SMR3A: variants seen among roughly 807,000 people sequenced by gnomAD.
SMR3A encodes the protein submaxillary gland androgen-regulated protein 3A.
For missense variants in SMR3A, 188 were observed against 163.0 expected, an observed-to-expected ratio of 1.15 and a Z score of -0.84; for synonymous variants, 48 against 57.4, an observed-to-expected ratio of 0.84 and a Z score of 0.74.
chr4:70,365,584 G>C (rs866774077), intron 2 of SMR3A, among the ~76,000 whole-genome samples: 2 of 151,998 alleles, frequency 1.3e-5, no homozygotes, highest in Non-Finnish European at 2.9e-5. Flanking sequence ...CAGAAGGAGA[G>C]CTCAAACACT....
In SMR3A at chr4:70,362,911, C is replaced by A. The variant is rs536581787; in HGVS notation, c.54+742C>A. On this transcript the variant is annotated intron_variant, in intron 2 of 2. Transcript: ENST00000226460. ...AAGACTATGACTTCCACAAAGCAGG[C>A]AACATAAAATTATATCATTCTGAAA... 2.0e-4 allele frequency among the ~76,000 whole-genome samples: 31 copies of A among 151,762 alleles called. 1 individual carries two copies. Among genetic ancestry groups the A allele is most frequent in the Admixed American group, 9.9e-4 (15 of 15,210 alleles).
intron 2 of SMR3A, among the ~76,000 whole-genome samples, chr4:70,363,682 G>A (rs543263633): frequency 6.6e-5 from 10 of 152,028 alleles, no homozygotes; most frequent in Non-Finnish European, 1.2e-4. Flanking sequence ...TTATCACTGC[G>A]ATTGGGTTAA....
At chr4:70,366,461 T>G (rs927402595) in intron 2 of SMR3A, among the ~76,000 whole-genome samples, 183 bp from the exon 3 acceptor site, 1 of 152,048 alleles carries the variant, frequency 6.6e-6, no homozygotes, top group Admixed American at 6.6e-5. Context: ...TCTCTCTGAT[T>G]CCTTCTCACA....
intron 1 of SMR3A, 103 bp from the exon 2 acceptor site, chr4:70,361,999 A>C: frequency 1.3e-6 from 2 of 1,521,252 alleles, no homozygotes; most frequent in East Asian, 2.4e-5. Flanking sequence ...AAAAGGCTAC[A>C]GTAGTATATC....
rs1732161160 is a variant in SMR3A at position 70,362,110 on chromosome 4, G to A, written c.-6G>A. On this transcript the variant is annotated 5_prime_UTR_variant, in exon 2 of 3. Transcript: ENST00000226460. Reference sequence around the variant, plus strand: ...ATTGTGCTTACTTTCAGAGGCAACTGAAAGGATGAAATCACTGACTTGGAT... The same window carrying A: ...ATTGTGCTTACTTTCAGAGGCAACTAAAAGGATGAAATCACTGACTTGGAT... 6.2e-7 allele frequency: 1 copy of A among 1,611,520 alleles called. No individual in the cohort carries two copies. Among genetic ancestry groups the A allele is most frequent in the Admixed American group, 1.7e-5 (1 of 59,864 alleles).
At chr4:70,366,578 C>A in intron 2 of SMR3A, 66 bp from the exon 3 acceptor site, 1 of 1,412,560 alleles carries the variant, frequency 7.1e-7, no homozygotes. Context: ...ACCATAGAAA[C>A]CATTCACCCT....
At chr4:70,361,609 C>A (rs1324787586) in intron 1 of SMR3A, among the ~76,000 whole-genome samples, 1 of 151,734 alleles carries the variant, frequency 6.6e-6, no homozygotes, top group Non-Finnish European at 1.5e-5. Context: ...CTACATCAAA[C>A]AGAGTGATTT....
At chr4:70,363,059 T>C (rs1269394767) in intron 2 of SMR3A, among the ~76,000 whole-genome samples, 2 of 151,978 alleles carry the variant, frequency 1.3e-5, no homozygotes, top group Non-Finnish European at 2.9e-5. Flanking sequence ...TGGGTGGACA[T>C]AATTTTTGAT....
intron 2 of SMR3A, among the ~76,000 whole-genome samples, chr4:70,365,492 A>T (rs1445997306): frequency 6.6e-6 from 1 of 152,028 alleles, no homozygotes; most frequent in Non-Finnish European, 1.5e-5. Flanking sequence ...ACCGCAGGAG[A>T]TGGGTACTTT....
Position 70,366,744 on chromosome 4 carries a change from C to A in SMR3A, c.155C>A (p.Pro52Gln), listed in dbSNP as rs1423498814. 2 of 1,612,222 alleles carry A rather than the reference C, an allele frequency of 1.2e-6. No homozygotes were observed. Among genetic ancestry groups the A allele is most frequent in the South Asian group, 1.1e-5 (1 of 91,022 alleles). ...CCTTTTGGAACAGGATTTGTTCCAC[C>A]ACCCCATCCTCCACCCTATGGTCCA... is the stretch of plus-strand genomic sequence containing the variant. ...CFPFGTGFVP[P>Q]PHPPPYGPGR... is the part of the protein sequence containing the mutation. Residue 52 changes from proline to glutamine, a missense_variant, in exon 3 of 3, where the codon CCA becomes CAA. Physicochemically the swap from Pro to Gln is moderately conservative, Grantham distance 76. Transcript: ENST00000226460.
chr4:70,361,496 G>A (rs192064788), intron 1 of SMR3A, among the ~76,000 whole-genome samples: 3 of 151,810 alleles, frequency 2.0e-5, no homozygotes, highest in East Asian at 3.9e-4. Context: ...TACCATATAC[G>A]GATTTTTGGA....
intron 2 of SMR3A, 36 bp from the exon 3 acceptor site, chr4:70,366,608 T>C (rs1732266509): frequency 6.6e-7 from 1 of 1,520,456 alleles, no homozygotes; most frequent in African/African-American, 1.4e-5. Context: ...CTGTGAAATA[T>C]CTGATTTAAA....
chr4:70,364,905 T>C (rs1732227718), intron 2 of SMR3A, among the ~76,000 whole-genome samples: 1 of 151,970 alleles, frequency 6.6e-6, no homozygotes, highest in Non-Finnish European at 1.5e-5. Flanking sequence ...AGAAAGATGG[T>C]TTACCGTAAT....
At chr4:70,362,665 T>C (rs929849392) in intron 2 of SMR3A, among the ~76,000 whole-genome samples, 1 of 151,844 alleles carries the variant, frequency 6.6e-6, no homozygotes, top group Non-Finnish European at 1.5e-5. Flanking sequence ...CTACCATATA[T>C]TAAAAACTAG....
intron 2 of SMR3A, 145 bp from the exon 3 acceptor site, chr4:70,366,499 C>T (rs565576314): frequency 6.4e-5 from 46 of 714,174 alleles, no homozygotes; most frequent in Non-Finnish European, 9.8e-5. Flanking sequence ...AAAGGGCTCA[C>T]CTGATAAGGT....
At position 70,367,143 on chromosome 4, in the gene SMR3A, A is replaced by C; in HGVS notation, c.*149A>C. On this transcript the variant is annotated 3_prime_UTR_variant, in exon 3 of 3. Coordinates refer to ENST00000226460, the MANE Select transcript of SMR3A (RefSeq NM_012390.4). The stretch of plus-strand genomic sequence containing the variant: ...CTTCCATTTTTGGATGAGAATAAAG[A>C]TTTCCAAAGCACTGAGCTTTTGGGA... The C allele has an allele frequency of 1.4e-6, 1 of 711,474 alleles. No individual in the cohort carries two copies. Among genetic ancestry groups the C allele is most frequent in the Middle Eastern group, 2.5e-4 (1 of 4,076 alleles). The allele number at this position is 711,474 out of a possible 1,614,324, so 44.1% of individuals were successfully genotyped here. A position where few individuals can be genotyped will look rare whatever the true frequency, so the allele number is the denominator to read the frequency against.
chr4:70,362,654 C>A (rs921622896), intron 2 of SMR3A, among the ~76,000 whole-genome samples: 1 of 151,692 alleles, frequency 6.6e-6, no homozygotes, highest in African/African-American at 2.4e-5. Flanking sequence ...TATAGTAACA[C>A]CTACCATATA....
At chr4:70,363,336 A>G (rs1008590600) in intron 2 of SMR3A, among the ~76,000 whole-genome samples, 8 of 151,940 alleles carry the variant, frequency 5.3e-5, no homozygotes, top group African/African-American at 1.9e-4. Flanking sequence ...TGTGAAGGGT[A>G]GCATGTCCTT....
chr4:70,366,896 C>A lies in SMR3A; in HGVS notation c.307C>A (p.Pro103Thr). The A allele has an allele frequency of 1.2e-6, 2 of 1,613,700 alleles. No homozygotes were observed. Among genetic ancestry groups the A allele is most frequent in the East Asian group, 2.2e-5 (1 of 44,826 alleles). ...SLPPPYGPGYPQPPSQPRPYP... is the reference protein window; with the variant it reads ...SLPPPYGPGYTQPPSQPRPYP... ...TCCTCCTCCTTATGGCCCAGGTTAT[C>A]CACAGCCACCTTCCCAACCAAGACC... is the stretch of plus-strand genomic sequence containing the variant. The change falls in exon 3 of 3, where the codon CCA becomes ACA. Residue 103 changes from proline to threonine, a missense_variant. Physicochemically the swap from Pro to Thr is conservative, Grantham distance 38 (BLOSUM62 -1). Transcript: ENST00000226460.
Sources: gnomAD v4.1 joint callset for allele counts (sites outside exome capture counted in the v4.1 genomes callset) on GRCh38, gnomAD v4.1.1 for gene constraint, MANE v1.5 for transcripts, NCBI Gene and HGNC (gene_info 2026-07-23, HGNC 2026-07-21) for gene names.